The following ARHGAP26 variants were observed in gnomAD, a reference collection of about 807,000 sequenced individuals.
ARHGAP26 encodes the protein rho GTPase-activating protein 26.
ARHGAP26 carries 38 observed loss-of-function variants against 104.8 expected under a neutral mutation model. That is an observed-to-expected ratio of 0.36 (90% CI 0.28 to 0.48). The LOEUF is 0.48. ARHGAP26 is among the 20% of genes least tolerant of loss of function. The pLI is 0.99. For synonymous variants in ARHGAP26, 341 were observed against 340.0 expected (o/e 1.00, Z -0.03); for missense variants, 704 against 947.9 (o/e 0.74, Z 3.38).
intron 7 of ARHGAP26, among the ~76,000 whole-genome samples, chr5:142,902,314 G>A (rs1760472928): frequency 6.6e-6 from 1 of 152,166 alleles, no homozygotes; most frequent in Non-Finnish European, 1.5e-5. Flanking sequence ...TGTAGCATTG[G>A]AGTCAGGATT....
intron 22 of ARHGAP26, chr5:143,216,217 T>C (rs1340469548): frequency 2.1e-6 from 1 of 471,520 alleles, no homozygotes; most frequent in Non-Finnish European, 4.4e-6. Context: ...ACAGCCATCT[T>C]CACTGCCACA....
intron 17 of ARHGAP26, among the ~76,000 whole-genome samples, chr5:143,108,578 T>G (rs1461845547): frequency 6.6e-6 from 1 of 152,062 alleles, no homozygotes; most frequent in Non-Finnish European, 1.5e-5. Flanking sequence ...AGCCTCCCAG[T>G]GTTTTTTCAG....
chr5:142,861,396 G>C (rs1753317374), intron 1 of ARHGAP26, among the ~76,000 whole-genome samples: 1 of 151,926 alleles, frequency 6.6e-6, no homozygotes, highest in South Asian at 2.1e-4. Flanking sequence ...TTTCATCCAG[G>C]GGGAGATGAG....
At chr5:142,857,266 T>C (rs760082484) in intron 1 of ARHGAP26, among the ~76,000 whole-genome samples, 1 of 152,152 alleles carries the variant, frequency 6.6e-6, no homozygotes, top group Non-Finnish European at 1.5e-5. Context: ...TAGACATCAA[T>C]TTTGAGGGTA....
rs1231986426 is a variant in ARHGAP26 at position 142,795,820 on chromosome 5, A to T, written c.154+24905A>T. Among the ~76,000 whole-genome samples, 6 of 152,184 alleles carry T rather than the reference A, an allele frequency of 3.9e-5. No individual in the cohort carries two copies. The East Asian group carries it at 1.2e-3, about 29-fold the overall frequency. ...AATTTATCCCCAGAATCTCAGCCCT[A>T]TTACCTACCACTTTGTACAGGTAAG... On this transcript the variant is annotated intron_variant, in intron 1 of 22. Transcript: ENST00000645722.
intron 19 of ARHGAP26, 74 bp from the exon 20 acceptor site, chr5:143,147,157 A>G: frequency 6.7e-7 from 1 of 1,491,888 alleles, no homozygotes; most frequent in Non-Finnish European, 9.1e-7. Context: ...TTCTTTATAC[A>G]TTTTTGTGCA....
chr5:142,827,615 G>A (rs1286933894), intron 1 of ARHGAP26, among the ~76,000 whole-genome samples: 2 of 152,162 alleles, frequency 1.3e-5, no homozygotes, highest in African/African-American at 4.8e-5. Flanking sequence ...CACCAGCCAG[G>A]TGACAGATAA....
intron 8 of ARHGAP26, 93 bp from the exon 9 acceptor site, chr5:142,907,611 G>A: frequency 1.5e-6 from 1 of 687,222 alleles, no homozygotes; most frequent in Middle Eastern, 2.8e-4. Context: ...GGGTAGATGA[G>A]CATTATGAAT....
intron 20 of ARHGAP26, among the ~76,000 whole-genome samples, chr5:143,152,957 C>T (rs1379384833): frequency 6.6e-6 from 1 of 152,138 alleles, no homozygotes; most frequent in Non-Finnish European, 1.5e-5. Flanking sequence ...TATTGGAACC[C>T]AGTGAGTTTA....
At chr5:142,857,958 T>C in intron 1 of ARHGAP26, among the ~76,000 whole-genome samples, 1 of 152,074 alleles carries the variant, frequency 6.6e-6, no homozygotes, top group Non-Finnish European at 1.5e-5. Context: ...CCCATAAGTC[T>C]GGGGCAGTTG....
chr5:142,943,122 TTTTG>T lies in ARHGAP26; in HGVS notation c.1107+11003_1107+11006del, dbSNP rs541394711. Among the ~76,000 whole-genome samples the T allele has an allele frequency of 7.7e-3, 1,171 of 152,346 alleles. 6 individuals carry two copies. The highest frequency in any genetic ancestry group is 0.013 in the Non-Finnish European group (875 of 68,034). ...AGTGATAGGAACACGTGTGTTGTTT[TTTTG>T]TTTGTCTTTGGTGGCTTTGGCTCAT... On this transcript the variant is annotated intron_variant, in intron 11 of 22. Coordinates refer to ENST00000645722, the MANE Select transcript of ARHGAP26 (RefSeq NM_001135608.3).
intron 20 of ARHGAP26, among the ~76,000 whole-genome samples, chr5:143,172,117 A>G (rs1464638641): frequency 1.3e-5 from 2 of 152,222 alleles, no homozygotes; most frequent in Admixed American, 6.5e-5. Context: ...AAGAATGCCA[A>G]GCCTTTACTA....
At chr5:143,164,757 C>A (rs993405318) in intron 20 of ARHGAP26, among the ~76,000 whole-genome samples, 13 of 152,184 alleles carry the variant, frequency 8.5e-5, no homozygotes, top group African/African-American at 3.1e-4. Context: ...AAACTCAGAG[C>A]CAGCTTTCTG....
At chr5:142,789,257 T>C (rs1341064936) in intron 1 of ARHGAP26, among the ~76,000 whole-genome samples, 1 of 152,236 alleles carries the variant, frequency 6.6e-6, no homozygotes, top group Non-Finnish European at 1.5e-5. Context: ...TGTGAGATAG[T>C]AATAGTATAG....
At chr5:142,880,297 A>G (rs1376041929) in intron 4 of ARHGAP26, among the ~76,000 whole-genome samples, 2 of 152,222 alleles carry the variant, frequency 1.3e-5, no homozygotes. Flanking sequence ...AGGTGGGCAG[A>G]TCACGAGGTC....
At chr5:143,182,065 A>G (rs1204314290) in intron 20 of ARHGAP26, among the ~76,000 whole-genome samples, 2 of 152,220 alleles carry the variant, frequency 1.3e-5, no homozygotes, top group Admixed American at 1.3e-4. Flanking sequence ...CTGCTGCCTC[A>G]GAAGGTTCTT....
At chr5:143,101,072 A>G (rs1462542012) in intron 17 of ARHGAP26, among the ~76,000 whole-genome samples, 1 of 152,174 alleles carries the variant, frequency 6.6e-6, no homozygotes, top group Admixed American at 6.5e-5. Context: ...CAGCCTGGGC[A>G]ACAAAGCAAG....
chr5:143,085,044 CAAAAAAAAAAAA>C (rs56852430), intron 17 of ARHGAP26, among the ~76,000 whole-genome samples: 4 of 61,650 alleles, frequency 6.5e-5, no homozygotes, highest in Non-Finnish European at 1.4e-4. Context: ...GACTCCATCT[CAAAAAAAAAAAA>C]AAAAAAAAAA....
At chr5:143,205,476 C>T (rs1808417420) in intron 20 of ARHGAP26, among the ~76,000 whole-genome samples, 1 of 152,208 alleles carries the variant, frequency 6.6e-6, no homozygotes, top group Non-Finnish European at 1.5e-5. Flanking sequence ...TTGTGATTCT[C>T]TATCACTGTA....
Sources: allele counts gnomAD v4.1 joint callset (sites outside exome capture counted in the v4.1 genomes callset), GRCh38; gene constraint gnomAD v4.1.1; transcripts MANE v1.5; gene names NCBI Gene and HGNC (gene_info 2026-07-23, HGNC 2026-07-21).